The following MEGF6 variants were observed in gnomAD, a reference collection of about 807,000 sequenced individuals.
The protein encoded by MEGF6 is multiple epidermal growth factor-like domains protein 6.
MEGF6 carries 184 observed loss-of-function variants against 207.1 expected under a neutral mutation model. The observed-to-expected ratio is 0.89, with a 90% CI of 0.79 to 1.00. The LOEUF is 1.00. MEGF6 is among the 50% of genes least tolerant of loss of function. MEGF6 has a pLI of 0.00. For missense variants in MEGF6, 2,282 were observed against 2,202.9 expected (o/e 1.04, Z -0.72); for synonymous variants, 1,038 against 910.0 (o/e 1.14, Z -2.53).
intron 4 of MEGF6, among the ~76,000 whole-genome samples, chr1:3,528,104 G>A (rs1236277277): frequency 3.3e-5 from 5 of 152,344 alleles, no homozygotes; most frequent in South Asian, 2.1e-4. Flanking sequence ...TGGACACAGC[G>A]AGCCAGCTCA....
chr1:3,623,460 T>G, the MEGF6 span: 56,306 of 152,204 alleles, frequency 0.37, 11,160 homozygotes, highest in South Asian at 0.45. Context: ...CAGGTCTTGC[T>G]GGGCGTGCCA....
At chr1:3,511,878 G>C in intron 8 of MEGF6, 128 bp downstream of exon 8, 1 of 1,492,328 alleles carries the variant, frequency 6.7e-7, no homozygotes, top group South Asian at 1.3e-5. Context: ...GCTCACCAAG[G>C]GCTCACACCC....
chr1:3,592,272 T>C (rs1322056392), intron 3 of MEGF6, among the ~76,000 whole-genome samples: 1 of 152,200 alleles, frequency 6.6e-6, no homozygotes, highest in Non-Finnish European at 1.5e-5. Flanking sequence ...CTGCCTAGAC[T>C]GGAGGCCTCG....
At chr1:3,566,039 A>G (rs1301740352) in intron 4 of MEGF6, among the ~76,000 whole-genome samples, 4 of 152,162 alleles carry the variant, frequency 2.6e-5, no homozygotes, top group African/African-American at 9.7e-5. Flanking sequence ...TCAGCAGAGA[A>G]GACATTGACC....
rs1180789727 is a variant in MEGF6 at position 3,533,280 on chromosome 1, ACT to A, written c.482-9036_482-9035del. On this transcript the variant is annotated intron_variant, in intron 4 of 36. Coordinates refer to ENST00000356575, the MANE Select transcript of MEGF6 (RefSeq NM_001409.4). ...CCAGCCCGCCCCCTTGGCCCCCAAC[ACT>A]CTGCAGAAATGGGCCTGCCTGGGCC... Among the ~76,000 whole-genome samples the A allele has an allele frequency of 3.3e-5, 5 of 151,384 alleles. No homozygotes were observed. The East Asian group carries it at 9.7e-4, about 29-fold the overall frequency.
intron 25 of MEGF6, 66 bp from the exon 26 acceptor site, chr1:3,498,565 A>C: frequency 6.7e-7 from 1 of 1,499,310 alleles, no homozygotes; most frequent in South Asian, 1.2e-5. Context: ...ACCCTGACCC[A>C]TGCTTCCTGC....
At chr1:3,617,652 T>A in the MEGF6 span, among the ~76,000 whole-genome samples, 1 of 151,836 alleles carries the variant, frequency 6.6e-6, no homozygotes, top group Admixed American at 6.6e-5. Context: ...GAAGAAAAAA[T>A]AAATTAAACT....
chr1:3,602,415 C>T (rs761836380), intron 2 of MEGF6, 51 bp downstream of exon 2: 77 of 1,611,332 alleles, frequency 4.8e-5, no homozygotes, highest in Admixed American at 1.2e-4. Flanking sequence ...TGGTCAGTGC[C>T]GCCCTTTGTG....
At chr1:3,542,423 T>C (rs558959814) in intron 4 of MEGF6, among the ~76,000 whole-genome samples, 55 of 152,088 alleles carry the variant, frequency 3.6e-4, no homozygotes, top group African/African-American at 1.3e-3. Context: ...AAGCTGGGCT[T>C]GCATGGACAC....
upstream of MEGF6, among the ~76,000 whole-genome samples, chr1:3,612,490 C>T (rs142448982): frequency 7.4e-4 from 113 of 152,332 alleles, no homozygotes; most frequent in Non-Finnish European, 1.1e-3. Context: ...AGCTACCAGA[C>T]ACTCAGGAGA....
intron 4 of MEGF6, among the ~76,000 whole-genome samples, chr1:3,562,002 T>C (rs1643215750): frequency 6.6e-6 from 1 of 152,192 alleles, no homozygotes; most frequent in Non-Finnish European, 1.5e-5. Flanking sequence ...GGACGTTTCA[T>C]TCTTTGGCGG....
Position 3,607,098 on chromosome 1 carries a change from A to G in MEGF6, c.131+4040T>C, listed in dbSNP as rs115734930. ...CAGGGACACGGCCGGGGTTAGGGGT[A>G]CTGAGGGGTTGGGTGCTCCCCTCAG... On this transcript the variant is annotated intron_variant, in intron 1 of 36. Transcript: ENST00000356575. Among the ~76,000 whole-genome samples, 464 of 151,838 alleles carry G rather than the reference A, an allele frequency of 3.1e-3. 2 individuals carry two copies. Among genetic ancestry groups the G allele is most frequent in the African/African-American group, 0.011 (437 of 41,396 alleles).
At chr1:3,544,079 T>C (rs1258581684) in intron 4 of MEGF6, among the ~76,000 whole-genome samples, 4 of 151,830 alleles carry the variant, frequency 2.6e-5, no homozygotes, top group Non-Finnish European at 5.9e-5. Context: ...GAGGCGGGAG[T>C]GTGGTCAGTC....
chr1:3,618,697 C>A, the MEGF6 span, among the ~76,000 whole-genome samples: 1 of 152,310 alleles, frequency 6.6e-6, no homozygotes, highest in East Asian at 1.9e-4. This position sits in a 1 kb window ranked among gnomAD's most constrained non-coding sequence, Gnocchi z 4.7. Context: ...CAAGACACCA[C>A]CTGAGCGCTC....
chr1:3,511,710 G>A lies in MEGF6; in HGVS notation c.977-23C>T, dbSNP rs769158943. The stretch of plus-strand genomic sequence containing the variant: ...TCCCTGCCGTGAGACCAGCCACCCA[G>A]GGTATGGGATGGCGGCTAGGATGAC... On this transcript the variant is annotated intron_variant, in intron 8 of 36. Transcript: ENST00000356575. 4 of 1,593,900 alleles carry A rather than the reference G, an allele frequency of 2.5e-6. No homozygotes were observed. In the South Asian group the frequency reaches 4.4e-5, roughly 18 times the overall value.
At chr1:3,620,688 C>A in the MEGF6 span, among the ~76,000 whole-genome samples, 1 of 152,182 alleles carries the variant, frequency 6.6e-6, no homozygotes, top group Non-Finnish European at 1.5e-5. Context: ...TCTTTCTCCC[C>A]ATGTGCAGAG....
Position 3,499,888 on chromosome 1 carries a change from T to G in MEGF6, c.2744A>C (p.Gln915Pro), listed in dbSNP as rs751711412. The change falls in exon 22 of 37, where the codon CAG becomes CCG. Residue 915 changes from glutamine to proline, a missense_variant. Coordinates refer to ENST00000356575, the MANE Select transcript of MEGF6 (RefSeq NM_001409.4). Reference sequence around the variant, plus strand: ...TGCTCCATGCTGACACTGGCACCGCTGCTCACAGCCGGGCCCAAAGTGGCC... The same window carrying G: ...TGCTCCATGCTGACACTGGCACCGCGGCTCACAGCCGGGCCCAAAGTGGCC... ...PQGHFGPGCE[Q>P]RCQCQHGAAC... is the part of the protein sequence containing the mutation. The G allele has an allele frequency of 1.5e-5, 24 of 1,561,434 alleles. No individual in the cohort carries two copies. The South Asian group carries it at 2.6e-4, about 17-fold the overall frequency.
In MEGF6 at chr1:3,507,908, G is replaced by A. The variant is rs757596829; in HGVS notation, c.1676C>T (p.Thr559Ile). The A allele has an allele frequency of 6.2e-7, 1 of 1,611,808 alleles. No individual in the cohort carries two copies. The highest frequency in any genetic ancestry group is 8.5e-7 in the Non-Finnish European group (1 of 1,179,186). Residue 559 changes from threonine (T) to isoleucine (I), a missense_variant, in exon 14 of 37, where the codon ACC becomes ATC. Physicochemically the swap from Thr to Ile is moderately conservative, Grantham distance 89. Coordinates refer to ENST00000356575, the MANE Select transcript of MEGF6 (RefSeq NM_001409.4). ...GGAGAAGCTGCAGTTCTTCCCAAAG[G>A]TGTCCGGAGGACAAGCTACAAAGAA... ...LICNETCPPD[T>I]FGKNCSFSCS...
chr1:3,513,131 C>A (rs11587354), intron 7 of MEGF6, among the ~76,000 whole-genome samples: 33,204 of 152,092 alleles, frequency 0.22, 4,436 homozygotes, highest in East Asian at 0.43. Flanking sequence ...CCATCCCATA[C>A]GTCTAGGTGT....
Sources: gnomAD v4.1 joint callset for allele counts (sites outside exome capture counted in the v4.1 genomes callset) on GRCh38, gnomAD v4.1.1 for gene constraint, Gnocchi (gnomAD v3.1) non-coding constraint, MANE v1.5 for transcripts, NCBI Gene and HGNC (gene_info 2026-07-23, HGNC 2026-07-21) for gene names.